The following USP38 variants were observed in gnomAD, a reference collection of about 807,000 sequenced individuals.
The protein encoded by USP38 is ubiquitin specific peptidase 38.
In USP38, 49 loss-of-function variants were observed where a neutral mutation model predicts 94.3. The ratio of observed to expected loss-of-function variants is 0.52; its 90% CI spans 0.41 to 0.66. The LOEUF is 0.66. Ranked by LOEUF, USP38 falls within the 30% of genes least tolerant of loss-of-function variation. USP38 has a pLI of 0.00. For synonymous variants in USP38, 468 were observed against 463.6 expected (o/e 1.01, Z -0.12); for missense variants, 1,128 against 1,229.4 (o/e 0.92, Z 1.23).
At chr4:143,187,371 ATTT>A (rs1731261203) in intron 1 of USP38, among the ~76,000 whole-genome samples, 1 of 152,006 alleles carries the variant, frequency 6.6e-6, no homozygotes, top group Non-Finnish European at 1.5e-5. Flanking sequence ...AGTCACCTTC[ATTT>A]CTACTTTAAG....
In USP38 at chr4:143,214,552, A is replaced by T. The variant is rs1256461768; in HGVS notation, c.2576A>T (p.Tyr859Phe). The change falls in exon 9 of 10, where the codon TAT becomes TTT. Residue 859 changes from tyrosine to phenylalanine, a missense_variant. Coordinates refer to ENST00000307017, the MANE Select transcript of USP38 (RefSeq NM_032557.6). ...ATATCCTCTGAAAGTGGGCATTACTATTCTTATGCCAGGAATATCACAAGT... is the reference window on the plus strand; with the variant it reads ...ATATCCTCTGAAAGTGGGCATTACTTTTCTTATGCCAGGAATATCACAAGT... The part of the protein sequence containing the change: ...SGISSESGHY[Y>F]SYARNITSTD... 1.2e-6 allele frequency: 2 copies of T among 1,613,462 alleles called. No homozygotes were observed. The highest frequency in any genetic ancestry group is 1.7e-5 in the Admixed American group (1 of 59,894).
chr4:143,212,076 G>C (rs894153527), intron 7 of USP38, among the ~76,000 whole-genome samples: 1 of 152,002 alleles, frequency 6.6e-6, no homozygotes, highest in Non-Finnish European at 1.5e-5. Flanking sequence ...TATGACCCTG[G>C]GCAAGTCACC....
intron 5 of USP38, chr4:143,204,337 G>T (rs1731800818): frequency 2.5e-5 from 11 of 442,906 alleles, no homozygotes; most frequent in South Asian, 1.8e-4. Context: ...ATCTTTACTT[G>T]AATTATTTGT....
chr4:143,212,615 A>G (rs1732058961), intron 8 of USP38, among the ~76,000 whole-genome samples, 191 bp downstream of exon 8: 2 of 151,916 alleles, frequency 1.3e-5, no homozygotes, highest in South Asian at 4.1e-4. Context: ...CTTCCTTGAG[A>G]CCAGCTGTTC....
chr4:143,192,333 T>G (rs1731419986), intron 2 of USP38, among the ~76,000 whole-genome samples: 1 of 152,028 alleles, frequency 6.6e-6, no homozygotes, highest in Non-Finnish European at 1.5e-5. Flanking sequence ...CTAGCTAATT[T>G]TTGTATTTTT....
Position 143,220,544 on chromosome 4 carries a change from A to G in USP38, c.*88A>G, listed in dbSNP as rs551565657. ...AGACTATAACAAATATCTATCTTTT[A>G]TTTTTCATTAGACCCTTATACTTCA... On this transcript the variant is annotated 3_prime_UTR_variant, in exon 10 of 10. Coordinates refer to ENST00000307017, the MANE Select transcript of USP38 (RefSeq NM_032557.6). The G allele has an allele frequency of 8.5e-6, 11 of 1,292,542 alleles. No individual in the cohort carries two copies. The highest frequency in any genetic ancestry group is 1.5e-5 in the African/African-American group (1 of 65,420). The allele number at this position is 1,292,542 out of a possible 1,614,324, so 80.1% of individuals were successfully genotyped here.
At chr4:143,187,620 T>A (rs1731266943) in intron 1 of USP38, among the ~76,000 whole-genome samples, 1 of 152,196 alleles carries the variant, frequency 6.6e-6, no homozygotes, top group Non-Finnish European at 1.5e-5. Context: ...ATAGTATGAG[T>A]GATCATTGCT....
intron 5 of USP38, 120 bp from the exon 6 acceptor site, chr4:143,205,913 G>A (rs538088477): frequency 2.8e-6 from 2 of 711,398 alleles, no homozygotes; most frequent in Admixed American, 7.7e-5. Context: ...TCAAAACTAA[G>A]TGGGGGAAAA....
At position 143,214,738 on chromosome 4, in the gene USP38, T is replaced by G; in HGVS notation, c.2762T>G (p.Val921Gly). Reference protein sequence around the residue: ...KEWFLFNDSRVTFTSFQSVQK... With the variant: ...KEWFLFNDSRGTFTSFQSVQK... ...TGGTTTTTATTTAATGACAGTAGAG[T>G]GACATTTACTTCATTTCAGTCAGTC... Residue 921 changes from valine to glycine, a missense_variant, in exon 9 of 10, where the codon GTG becomes GGG. By Grantham distance (109) the Val-to-Gly change is moderately radical. Transcript: ENST00000307017. 6.2e-7 allele frequency: 1 copy of G among 1,613,658 alleles called. No individual in the cohort carries two copies. Among genetic ancestry groups the G allele is most frequent in the Admixed American group, 1.7e-5 (1 of 59,918 alleles).
At chr4:143,205,900 A>G in intron 5 of USP38, 133 bp from the exon 6 acceptor site, 1 of 593,706 alleles carries the variant, frequency 1.7e-6, no homozygotes, top group Non-Finnish European at 2.7e-6. Flanking sequence ...ACTGCCAGTT[A>G]CTTCAAAACT....
At chr4:143,204,760 G>A (rs1374771681) in intron 5 of USP38, among the ~76,000 whole-genome samples, 1 of 152,112 alleles carries the variant, frequency 6.6e-6, no homozygotes. Flanking sequence ...TGCATAATCA[G>A]TGTATAGCAA....
chr4:143,192,366 G>A (rs1731420853), intron 2 of USP38, among the ~76,000 whole-genome samples: 1 of 152,002 alleles, frequency 6.6e-6, no homozygotes, highest in Non-Finnish European at 1.5e-5. Flanking sequence ...GTTTCACCAT[G>A]TTGGCCAGGC....
In USP38 at chr4:143,213,668, A is replaced by C. The variant is rs765202113; in HGVS notation, c.1692A>C (p.Glu564Asp). ...AATGCAGTGAAACTTCTTTACAGGA[A>C]GTAGCTAGTAAAGCAGCAGTACTAA... ...ILECSETSLQ[E>D]VASKAAVLTE... The change falls in exon 9 of 10, where the codon GAA becomes GAC. Residue 564 changes from glutamate to aspartate, a missense_variant. Physicochemically the swap from Glu to Asp is conservative, Grantham distance 45 (BLOSUM62 2). Transcript: ENST00000307017. The C allele has an allele frequency of 6.2e-6, 10 of 1,613,460 alleles. No individual in the cohort carries two copies. The highest frequency in any genetic ancestry group is 8.5e-6 in the Non-Finnish European group (10 of 1,179,732).
At chr4:143,215,079 C>T in intron 9 of USP38, 136 bp downstream of exon 9, 1 of 882,318 alleles carries the variant, frequency 1.1e-6, no homozygotes, top group Non-Finnish European at 1.7e-6. Flanking sequence ...ATGAAGTATT[C>T]TCAACCTGTA....
At chr4:143,205,605 G>A (rs953808009) in intron 5 of USP38, among the ~76,000 whole-genome samples, 1 of 152,068 alleles carries the variant, frequency 6.6e-6, no homozygotes, top group African/African-American at 2.4e-5. Context: ...TAATGAAAAG[G>A]AGACATTTTT....
intron 9 of USP38, among the ~76,000 whole-genome samples, chr4:143,218,497 CAG>C (rs1560676168): frequency 2.0e-5 from 3 of 151,912 alleles, no homozygotes; most frequent in South Asian, 4.1e-4. Flanking sequence ...TATCAGAAAA[CAG>C]AATACCACAC....
At position 143,199,639 on chromosome 4, in the gene USP38, C is replaced by G. The variant is rs554112155; in HGVS notation, c.1050+1715C>G. Among the ~76,000 whole-genome samples, 10 of 152,228 alleles carry G rather than the reference C, an allele frequency of 6.6e-5. No individual in the cohort carries two copies. In the East Asian group the frequency reaches 1.9e-3, roughly 29 times the overall value. On this transcript the variant is annotated intron_variant, in intron 4 of 9. Coordinates refer to ENST00000307017, the MANE Select transcript of USP38 (RefSeq NM_032557.6). The stretch of plus-strand genomic sequence containing the variant: ...TTCCCCTTTTTTTGAACCTCACCAG[C>G]ATGTCTTCTTTTTTGACTTTTTAAT...
chr4:143,186,085 C>T lies in USP38; in HGVS notation c.635C>T (p.Thr212Ile). Residue 212 changes from threonine (T) to isoleucine (I), a missense_variant, in exon 1 of 10, where the codon ACA becomes ATA. Physicochemically the swap from Thr to Ile is moderately conservative, Grantham distance 89. Transcript: ENST00000307017. ...AACATCTGGAAGGCCGAGCCTGCCA[C>T]ACTACTGCCTTCCCTGCAAGAAGTT... Reference protein sequence around the residue: ...LQNIWKAEPATLLPSLQEVFA... With the variant: ...LQNIWKAEPAILLPSLQEVFA... 6.2e-7 allele frequency: 1 copy of T among 1,614,204 alleles called. No homozygotes were observed. The highest frequency in any genetic ancestry group is 8.5e-7 in the Non-Finnish European group (1 of 1,180,038).
At position 143,214,531 on chromosome 4, in the gene USP38, C is replaced by T; in HGVS notation, c.2555C>T (p.Ser852Phe). 6.2e-7 allele frequency: 1 copy of T among 1,613,520 alleles called. No homozygotes were observed. Among genetic ancestry groups the T allele is most frequent in the Non-Finnish European group, 8.5e-7 (1 of 1,179,790 alleles). The change falls in exon 9 of 10, where the codon TCC (serine) becomes TTC (phenylalanine). Residue 852 changes from serine to phenylalanine, a missense_variant. Ser to Phe is a radical substitution (Grantham distance 155). Coordinates refer to ENST00000307017, the MANE Select transcript of USP38 (RefSeq NM_032557.6). ...TCCGTTGTGGTTCACTCTGGTATATCCTCTGAAAGTGGGCATTACTATTCT... is the reference window on the plus strand; with the variant it reads ...TCCGTTGTGGTTCACTCTGGTATATTCTCTGAAAGTGGGCATTACTATTCT... ...LSSVVVHSGI[S>F]SESGHYYSYA...
Sources: gnomAD v4.1 joint callset for allele counts (sites outside exome capture counted in the v4.1 genomes callset) on GRCh38, gnomAD v4.1.1 for gene constraint, MANE v1.5 for transcripts, NCBI Gene and HGNC (gene_info 2026-07-23, HGNC 2026-07-21) for gene names.